The following LUC7L2 variants were observed in gnomAD, a reference collection of about 807,000 sequenced individuals.
LUC7L2 encodes the protein LUC7 like 2, pre-mRNA splicing factor.
Under a neutral mutation model 52.8 loss-of-function variants are expected in LUC7L2, and 25 were observed. The ratio of observed to expected loss-of-function variants is 0.47; its 90% CI spans 0.34 to 0.66. LUC7L2 has a LOEUF of 0.66. Ranked by LOEUF, LUC7L2 falls within the 30% of genes least tolerant of loss-of-function variation. The pLI is 0.01. For missense variants in LUC7L2, 328 were observed against 497.8 expected, an observed-to-expected ratio of 0.66 and a Z score of 3.25; for synonymous variants, 144 against 160.9, an observed-to-expected ratio of 0.89 and a Z score of 0.80.
intron 2 of LUC7L2, among the ~76,000 whole-genome samples, chr7:139,390,514 C>A (rs1479914325): frequency 6.6e-6 from 1 of 151,818 alleles, no homozygotes; most frequent in Non-Finnish European, 1.5e-5. Flanking sequence ...CAGACATGAG[C>A]CACTGCGTCT....
rs1795958407 is a variant in LUC7L2, at chr7:139,422,822, T to C, written c.*482T>C. The C allele has an allele frequency of 2.5e-6, 1 of 399,402 alleles. No homozygotes were observed. The highest frequency in any genetic ancestry group is 4.4e-6 in the Non-Finnish European group (1 of 226,328). The allele number at this position is 399,402 out of a possible 1,614,324, so 24.7% of individuals were successfully genotyped here. A position where few individuals can be genotyped will look rare whatever the true frequency, so the allele number is the denominator to read the frequency against. ...CCATTCTAAGGCTGTATTCCCGTTA[T>C]GAATTACTAGCTGATTACAGTTCAG... On this transcript the variant is annotated 3_prime_UTR_variant, in exon 10 of 10. Transcript: ENST00000354926.
chr7:139,375,659 A>G (rs1290535396), intron 1 of LUC7L2: 1 of 968,748 alleles, frequency 1.0e-6, no homozygotes, highest in Non-Finnish European at 1.2e-6. Flanking sequence ...CTTAGTGTCA[A>G]GAAGGGAACA....
chr7:139,377,825 C>CTTTT (rs11346680), intron 2 of LUC7L2, among the ~76,000 whole-genome samples: 11 of 98,300 alleles, frequency 1.1e-4, no homozygotes, highest in Non-Finnish European at 1.9e-4. Context: ...CCGCGCCTGG[C>CTTTT]TTTTTTTTTT....
In LUC7L2 at chr7:139,376,172, A is replaced by G. The variant is rs184248522; in HGVS notation, c.156+16A>G. The G allele has an allele frequency of 1.3e-3, 2,059 of 1,612,340 alleles. 2 individuals are homozygous for G. Among genetic ancestry groups the G allele is most frequent in the Non-Finnish European group, 1.7e-3 (1,951 of 1,178,836 alleles). On this transcript the variant is annotated intron_variant, in intron 2 of 9. Transcript: ENST00000354926. ...TTCTGGAACTGTATGTATTTACTAA[A>G]TGTATTGTTAGATTACTGATATGCT...
intron 9 of LUC7L2, among the ~76,000 whole-genome samples, chr7:139,420,775 G>A (rs1032973303): frequency 2.0e-5 from 3 of 151,970 alleles, no homozygotes; most frequent in Admixed American, 6.6e-5. Flanking sequence ...TAGTGTAGAC[G>A]TGGAATCACT....
At chr7:139,398,975 C>T (rs2131275258) in intron 3 of LUC7L2, among the ~76,000 whole-genome samples, 1 of 152,152 alleles carries the variant, frequency 6.6e-6, no homozygotes, top group South Asian at 2.1e-4. Context: ...AAGGAAATAT[C>T]AAGCAAATGT....
upstream of LUC7L2, chr7:139,359,089 C>G (rs1799719881): frequency 6.6e-6 from 1 of 152,232 alleles, no homozygotes; most frequent in Non-Finnish European, 1.5e-5. Flanking sequence ...AGACGTGTGA[C>G]CACCTCCACC....
intron 2 of LUC7L2, among the ~76,000 whole-genome samples, chr7:139,376,691 G>A (rs7783619): frequency 0.39 from 58,517 of 151,982 alleles, 15,732 homozygotes; most frequent in African/African-American, 0.77. Context: ...GAGTATCATC[G>A]TTTTAATTTG....
In LUC7L2 at chr7:139,386,404, A is replaced by AT. The variant is rs4028268; in HGVS notation, c.156+10266dup. 2.5e-3 allele frequency among the ~76,000 whole-genome samples: 335 copies of AT among 131,502 alleles called. 2 individuals are homozygous for AT. The highest frequency in any genetic ancestry group is 7.9e-3 in the South Asian group (34 of 4,290). 86.3% of individuals were successfully genotyped at this position (131,502 alleles called of 152,430 possible). ...GAAATATTTTTCTCTGTCACTGGAA[A>AT]TTTTTTTTTTTTTTTTTTGAGATGG... On this transcript the variant is annotated intron_variant, in intron 2 of 9. Transcript: ENST00000354926.
intron 2 of LUC7L2, among the ~76,000 whole-genome samples, chr7:139,389,515 A>G (rs1300785690): frequency 2.0e-5 from 3 of 151,796 alleles, no homozygotes; most frequent in Non-Finnish European, 4.4e-5. Context: ...TCCCTCTATT[A>G]TTTGTCTTCT....
At chr7:139,359,474 C>T (rs576626122), upstream of LUC7L2, 1 of 194,600 alleles carries the variant, frequency 5.1e-6, no homozygotes, top group East Asian at 1.2e-4. Context: ...GCGTCCACGC[C>T]ACTCGGGGCG....
At chr7:139,420,278 G>T (rs565819661) in intron 9 of LUC7L2, among the ~76,000 whole-genome samples, 1 of 151,814 alleles carries the variant, frequency 6.6e-6, no homozygotes, top group Non-Finnish European at 1.5e-5. Context: ...ATCTCGGCTC[G>T]TTGCAACCTC....
At position 139,417,644 on chromosome 7, in the gene LUC7L2, C is replaced by T. The variant is rs754353933; in HGVS notation, c.916C>T (p.Arg306Cys). Reference protein sequence around the residue: ...SREKRHRHRSRSSSRSRSRSH... With the variant: ...SREKRHRHRSCSSSRSRSRSH... ...GGAGAAACGCCATCGCCACAGGTCC[C>T]GCTCCAGCAGCCGTAGCCGCAGCCG... Residue 306 changes from arginine (R) to cysteine (C), a missense_variant, in exon 9 of 10, where the codon CGC (arginine) becomes TGC (cysteine). Physicochemically the swap from Arg to Cys is radical, Grantham distance 180. Around this residue, in one of 2 missense-constraint regions of LUC7L2, gnomAD observed 195 missense variants for 223.3 expected, o/e 0.87. Transcript: ENST00000354926. 20 of 1,614,098 alleles carry T rather than the reference C, an allele frequency of 1.2e-5. No individual in the cohort carries two copies. Among genetic ancestry groups the T allele is most frequent in the East Asian group, 4.5e-5 (2 of 44,868 alleles).
intron 3 of LUC7L2, among the ~76,000 whole-genome samples, chr7:139,400,200 C>T (rs960063448): frequency 1.3e-5 from 2 of 152,026 alleles, no homozygotes; most frequent in African/African-American, 2.4e-5. Flanking sequence ...TATAGCCAGG[C>T]GTGGTGGCTC....
chr7:139,407,216 C>T lies in LUC7L2; in HGVS notation c.553C>T (p.Gln185Ter), dbSNP rs1442288635. The T allele has an allele frequency of 1.2e-6, 2 of 1,611,190 alleles. No homozygotes were observed. The highest frequency in any genetic ancestry group is 1.7e-6 in the Non-Finnish European group (2 of 1,178,334). The change falls in exon 6 of 10, where the codon CAG becomes TAG. Residue 185 changes from glutamine (Q) to a stop codon, truncating the protein, a stop_gained. Transcript: ENST00000354926. LOFTEE classifies it high-confidence loss of function. ...NSMPASSFQQ[Q>*]KLRVCEVCSA... ...TATGCCAGCTTCCAGTTTTCAGCAGCAGAAACTTCGAGTCTGTGAAGTCTG... is the reference window on the plus strand; with the variant it reads ...TATGCCAGCTTCCAGTTTTCAGCAGTAGAAACTTCGAGTCTGTGAAGTCTG...
In LUC7L2 at chr7:139,387,267, C is replaced by T. The variant is rs531785177; in HGVS notation, c.156+11111C>T. ...GGAGTGCAGTGGCGCGATCTCGGCT[C>T]ACTGCAAGCTCCGCCTCCCAGGTTC... On this transcript the variant is annotated intron_variant, in intron 2 of 9. Transcript: ENST00000354926. 2.6e-5 allele frequency among the ~76,000 whole-genome samples: 4 copies of T among 152,262 alleles called. No homozygotes were observed. The South Asian group carries it at 8.3e-4, about 32-fold the overall frequency.
chr7:139,381,303 T>G lies in LUC7L2; in HGVS notation c.156+5147T>G, dbSNP rs531676630. Among the ~76,000 whole-genome samples, 4 of 152,282 alleles carry G rather than the reference T, an allele frequency of 2.6e-5. No individual in the cohort carries two copies. In the South Asian group the frequency reaches 8.3e-4, roughly 32 times the overall value. On this transcript the variant is annotated intron_variant, in intron 2 of 9. Coordinates refer to ENST00000354926, the MANE Select transcript of LUC7L2 (RefSeq NM_016019.5). ...ACATCCTTGGAGGCAGCTCATGCAC[T>G]AAGGATTTAGGAGTAGGCTAGTTCG... is the stretch of plus-strand genomic sequence containing the variant.
At position 139,387,495 on chromosome 7, in the gene LUC7L2, A is replaced by T. The variant is rs997008698; in HGVS notation, c.157-11104A>T. 7.9e-5 allele frequency among the ~76,000 whole-genome samples: 12 copies of T among 152,212 alleles called. No homozygotes were observed. In the South Asian group the frequency reaches 1.9e-3, roughly 24 times the overall value. On this transcript the variant is annotated intron_variant, in intron 2 of 9. Transcript: ENST00000354926. ...GCGCCTGGCTGAAAATTTTTATTTT[A>T]TTTATTTATTTTTTATACGAGAGCT... is the stretch of plus-strand genomic sequence containing the variant.
chr7:139,379,514 A>G (rs1205688154), intron 2 of LUC7L2, among the ~76,000 whole-genome samples: 1 of 142,894 alleles, frequency 7.0e-6, no homozygotes, highest in Non-Finnish European at 1.5e-5. Flanking sequence ...TGCACTTACA[A>G]CATTTTACCT....
Sources: allele counts gnomAD v4.1 joint callset (sites outside exome capture counted in the v4.1 genomes callset), GRCh38; gene constraint gnomAD v4.1.1; regional missense constraint gnomAD v4.1.1; transcripts MANE v1.5; gene names NCBI Gene and HGNC (gene_info 2026-07-23, HGNC 2026-07-21).